The following MLH3 variants were observed in gnomAD, a reference collection of about 807,000 sequenced individuals.
MLH3 encodes the protein DNA mismatch repair protein Mlh3.
A neutral mutation model predicts 122.2 loss-of-function variants in MLH3; 82 were observed. The ratio of observed to expected loss-of-function variants is 0.67; its 90% CI spans 0.56 to 0.81. The LOEUF is 0.81. Ranked by LOEUF, MLH3 falls within the 30% of genes least tolerant of loss-of-function variation. The pLI is 0.00. For synonymous variants in MLH3, 524 were observed against 599.5 expected (o/e 0.87, Z 1.84); for missense variants, 1,539 against 1,714.5 (o/e 0.90, Z 1.81).
rs577366711 is a variant in MLH3 at position 75,047,627 on chromosome 14, T to G, written c.2029A>C (p.Thr677Pro). ...TTCTCTAGCCCATAACTTATATTCG[T>G]TCTGCAATTTTTTTTGTTGGGCAAT... ...GQLPNKKNCR[T>P]NISYGLENEP... is the part of the protein sequence containing the mutation. Residue 677 changes from threonine (T) to proline (P), a missense_variant, in exon 2 of 13, where the codon ACG becomes CCG. Physicochemically the swap from Thr to Pro is conservative, Grantham distance 38. Transcript: ENST00000355774. 1.2e-6 allele frequency: 2 copies of G among 1,614,044 alleles called. No homozygotes were observed. The highest frequency in any genetic ancestry group is 1.7e-6 in the Non-Finnish European group (2 of 1,179,968).
At chr14:75,030,392 C>G (rs985014371) in intron 9 of MLH3, 151 bp downstream of exon 9, 22 of 814,446 alleles carry the variant, frequency 2.7e-5, no homozygotes, top group Non-Finnish European at 4.2e-5. Flanking sequence ...TTATTTTGAG[C>G]TAACTCATCT....
Position 75,042,476 on chromosome 14 carries a change from C to T in MLH3, c.3282G>A (p.Gly1094=). The change falls in exon 3 of 13, where the codon GGG becomes GGA. Residue 1094 remains glycine (G), a splice_region_variant and synonymous_variant. Transcript: ENST00000355774. The stretch of plus-strand genomic sequence containing the variant: ...TAAAAGGTTGACACCTGTACTGAGA[C>T]CCTAAATATAAGAAAGAAAAACCTA... ...TVAVDVVLEN[G]SQYRCQPFRS... The T allele has an allele frequency of 1.9e-6, 3 of 1,610,450 alleles. No homozygotes were observed. The highest frequency in any genetic ancestry group is 2.5e-6 in the Non-Finnish European group (3 of 1,176,724).
intron 8 of MLH3, among the ~76,000 whole-genome samples, chr14:75,031,003 A>C (rs1891013204): frequency 6.6e-6 from 1 of 152,212 alleles, no homozygotes. Context: ...CTGGCACTTA[A>C]GGGAGTCTGG....
At chr14:75,038,471 GC>G (rs1555343375) in intron 5 of MLH3, 59 bp from the exon 6 acceptor site, 4 of 1,072,410 alleles carry the variant, frequency 3.7e-6, no homozygotes, top group Admixed American at 1.7e-5. Flanking sequence ...AGGCTTATTT[GC>G]ATAGAAAGAT....
rs917849333 is a variant in MLH3 at position 75,015,986 on chromosome 14, G to T, written c.*1096C>A. ...TTACTAATTGTATAGCACCCCAGTT[G>T]CAATAAACATTACCAGCTGGCTTTT... On this transcript the variant is annotated 3_prime_UTR_variant, in exon 13 of 13. Coordinates refer to ENST00000355774, the MANE Select transcript of MLH3 (RefSeq NM_001040108.2). 1 of 231,516 alleles carries T rather than the reference G, an allele frequency of 4.3e-6. No individual in the cohort carries two copies. Among genetic ancestry groups the T allele is most frequent in the South Asian group, 1.8e-4 (1 of 5,498 alleles). 14.3% of individuals were successfully genotyped at this position (231,516 alleles called of 1,614,324 possible).
Position 75,016,832 on chromosome 14 carries a change from C to T in MLH3, c.*250G>A. The stretch of plus-strand genomic sequence containing the variant: ...TTAAATAAGTAGCAAAAGGTAGATA[C>T]TATATAGCAACCTTCTGTGCCCATG... On this transcript the variant is annotated 3_prime_UTR_variant, in exon 13 of 13. Transcript: ENST00000355774. The T allele has an allele frequency of 2.1e-6, 1 of 469,300 alleles. No individual in the cohort carries two copies. Among genetic ancestry groups the T allele is most frequent in the Non-Finnish European group, 3.9e-6 (1 of 253,238 alleles). 29.1% of individuals were successfully genotyped at this position (469,300 alleles called of 1,614,324 possible).
intron 6 of MLH3, among the ~76,000 whole-genome samples, chr14:75,037,424 T>A (rs1191184111): frequency 6.6e-6 from 1 of 152,132 alleles, no homozygotes; most frequent in Non-Finnish European, 1.5e-5. Flanking sequence ...TCTTTTCTCA[T>A]TATTGTATCC....
At chr14:75,024,593 C>T (rs1160785226) in intron 9 of MLH3, among the ~76,000 whole-genome samples, 3 of 152,214 alleles carry the variant, frequency 2.0e-5, no homozygotes, top group Non-Finnish European at 4.4e-5. Context: ...CTGCAGCCTC[C>T]ACCTCCTCAC....
chr14:75,032,013 A>C, intron 8 of MLH3, 55 bp downstream of exon 8: 1 of 1,119,382 alleles, frequency 8.9e-7, no homozygotes, highest in Non-Finnish European at 1.4e-6. Flanking sequence ...TATTCCTCAC[A>C]GAATTATTGT....
chr14:75,029,172 A>T (rs1444581456), intron 9 of MLH3, among the ~76,000 whole-genome samples: 1 of 151,280 alleles, frequency 6.6e-6, no homozygotes, highest in Non-Finnish European at 1.5e-5. Flanking sequence ...GAAAGAAAGA[A>T]AAAGAAAATG....
rs1566609920 is a variant in MLH3, at chr14:75,049,174, C to A, written c.482G>T (p.Cys161Phe). ...LFYQLPVRRK[C>F]MDPRLEFEKV... ...CTCAAACTCCAGTCTAGGGTCCATG[C>A]ATTTCCTCCTTACAGGAAGCTGGTA... Residue 161 changes from cysteine to phenylalanine, a missense_variant, in exon 2 of 13, where the codon TGC becomes TTC. Cys to Phe is a radical substitution (Grantham distance 205). Coordinates refer to ENST00000355774, the MANE Select transcript of MLH3 (RefSeq NM_001040108.2). 1 of 1,614,204 alleles carries A rather than the reference C, an allele frequency of 6.2e-7. No homozygotes were observed.
At chr14:75,030,328 A>G (rs1314057056) in intron 9 of MLH3, among the ~76,000 whole-genome samples, 2 of 152,192 alleles carry the variant, frequency 1.3e-5, no homozygotes, top group Admixed American at 6.5e-5. Context: ...AGCAAAACAC[A>G]TACCTCTACT....
At chr14:75,033,382 A>G in intron 7 of MLH3, 37 bp downstream of exon 7, 2 of 1,552,236 alleles carry the variant, frequency 1.3e-6, no homozygotes, top group Non-Finnish European at 1.8e-6. Flanking sequence ...TTCTGCTGGG[A>G]GTCTCAAATT....
intron 2 of MLH3, among the ~76,000 whole-genome samples, chr14:75,043,783 C>T (rs1892029645): frequency 1.3e-5 from 2 of 152,196 alleles, no homozygotes; most frequent in Admixed American, 1.3e-4. Flanking sequence ...CTTTATAGAT[C>T]CTCCTTCTGT....
At chr14:75,042,219 G>A (rs529721772) in intron 3 of MLH3, among the ~76,000 whole-genome samples, 160 bp downstream of exon 3, 8 of 152,346 alleles carry the variant, frequency 5.3e-5, no homozygotes, top group African/African-American at 1.4e-4. Flanking sequence ...AAATGCATGC[G>A]CTGAATTAAT....
At chr14:75,039,118 A>G (rs1017728790) in intron 5 of MLH3, among the ~76,000 whole-genome samples, 1 of 152,114 alleles carries the variant, frequency 6.6e-6, no homozygotes, top group Non-Finnish European at 1.5e-5. Flanking sequence ...CGGCCTCCCA[A>G]AGTGCTGGGA....
chr14:75,050,607 C>T (rs1421944015), intron 1 of MLH3, among the ~76,000 whole-genome samples: 1 of 152,112 alleles, frequency 6.6e-6, no homozygotes, highest in African/African-American at 2.4e-5. Context: ...ACCATGTTAA[C>T]CAGCCTGGTC....
chr14:75,021,224 C>G (rs1448502775), intron 11 of MLH3, among the ~76,000 whole-genome samples: 1 of 152,218 alleles, frequency 6.6e-6, no homozygotes, highest in Non-Finnish European at 1.5e-5. Flanking sequence ...TCAGAAATAC[C>G]ATTCTGGACG....
At chr14:75,019,358 C>T (rs140362479) in intron 11 of MLH3, among the ~76,000 whole-genome samples, 3,103 of 145,508 alleles carry the variant, frequency 0.021, 56 homozygotes, top group African/African-American at 0.047. Flanking sequence ...TGCAGTGAGC[C>T]GAGATCACGC....
Sources: allele counts gnomAD v4.1 joint callset (sites outside exome capture counted in the v4.1 genomes callset), GRCh38; gene constraint gnomAD v4.1.1; transcripts MANE v1.5; gene names NCBI Gene and HGNC (gene_info 2026-07-23, HGNC 2026-07-21).